The following DIP2B variants were observed in gnomAD, a reference collection of about 807,000 sequenced individuals.
The protein encoded by DIP2B is DIP2 acetate--CoA ligase B (putative), also known as disco-interacting protein 2 homolog B.
A neutral mutation model predicts 198.0 loss-of-function variants in DIP2B; 76 were observed. The ratio of observed to expected loss-of-function variants is 0.38; its 90% CI spans 0.32 to 0.46. DIP2B has a LOEUF of 0.46. DIP2B is among the 20% of genes least tolerant of loss of function. The probability of loss-of-function intolerance (pLI) is 0.99; values close to 1 mark genes in which losing one functional copy is unlikely to be tolerated. For missense variants in DIP2B, 1,559 were observed against 1,978.4 expected (o/e 0.79, Z 4.02); for synonymous variants, 701 against 739.1 (o/e 0.95, Z 0.84).
At position 50,671,368 on chromosome 12, in the gene DIP2B, C is replaced by T. The variant is rs1373525395; in HGVS notation, c.610C>T (p.Leu204=). 6.2e-7 allele frequency: 1 copy of T among 1,614,148 alleles called. No individual in the cohort carries two copies. Among genetic ancestry groups the T allele is most frequent in the South Asian group, 1.1e-5 (1 of 91,076 alleles). The change falls in exon 5 of 38, where the codon CTA becomes TTA. Residue 204 remains leucine (L), a synonymous_variant. Coordinates refer to ENST00000301180, the MANE Select transcript of DIP2B (RefSeq NM_173602.3). ...HGEVKGTSGS[L]ADVFANTRIE... ...AGAGGTCAAAGGAACCAGTGGGTCT[C>T]TAGCTGATGTATTTGCCAATACTCG...
At chr12:50,670,146 C>G (rs185113515) in intron 4 of DIP2B, among the ~76,000 whole-genome samples, 1 of 113,202 alleles carries the variant, frequency 8.8e-6, no homozygotes, top group Admixed American at 1.2e-4. Flanking sequence ...ACCCCCCACC[C>G]AGCACGCTTT....
chr12:50,694,654 C>CTTT lies in DIP2B; in HGVS notation c.1720-597_1720-595dup, dbSNP rs371524388. Among the ~76,000 whole-genome samples, 161 of 131,182 alleles carry CTTT rather than the reference C, an allele frequency of 1.2e-3. 9 individuals are homozygous for CTTT. Among genetic ancestry groups the CTTT allele is most frequent in the Middle Eastern group, 8.1e-3 (2 of 246 alleles). The allele number at this position is 131,182 out of a possible 152,430, so 86.1% of individuals were successfully genotyped here. ...GGGCAACATAGTGAAACCCCTGTCT[C>CTTT]TTTTTTTTTTTTTTTTTTAAAGCAT... On this transcript the variant is annotated intron_variant, in intron 14 of 37. Coordinates refer to ENST00000301180, the MANE Select transcript of DIP2B (RefSeq NM_173602.3).
At chr12:50,616,321 T>C (rs1253952268) in intron 1 of DIP2B, among the ~76,000 whole-genome samples, 2 of 152,214 alleles carry the variant, frequency 1.3e-5, no homozygotes, top group Non-Finnish European at 2.9e-5. Flanking sequence ...AAAAACCGTT[T>C]GTAAGATTAG....
chr12:50,506,544 T>C (rs915249547), intron 1 of DIP2B, among the ~76,000 whole-genome samples: 1 of 152,244 alleles, frequency 6.6e-6, no homozygotes, highest in Non-Finnish European at 1.5e-5. Context: ...TGTTTTTACC[T>C]GTACTTAACT....
chr12:50,685,728 T>C lies in DIP2B; in HGVS notation c.1318-105T>C, dbSNP rs1411528977. The C allele has an allele frequency of 6.8e-6, 9 of 1,314,834 alleles. No individual in the cohort carries two copies. In the African/African-American group the frequency reaches 1.3e-4, roughly 20 times the overall value. 81.4% of individuals were successfully genotyped at this position (1,314,834 alleles called of 1,614,324 possible). A position where few individuals can be genotyped will look rare whatever the true frequency, so the allele number is the denominator to read the frequency against. On this transcript the variant is annotated intron_variant, in intron 10 of 37. Coordinates refer to ENST00000301180, the MANE Select transcript of DIP2B (RefSeq NM_173602.3). ...ATTGCCAGATATTGGTGGGGCTCCATGAATGTTATCAAACAAAATGCCAGA... is the reference window on the plus strand; with the variant it reads ...ATTGCCAGATATTGGTGGGGCTCCACGAATGTTATCAAACAAAATGCCAGA...
intron 1 of DIP2B, among the ~76,000 whole-genome samples, chr12:50,585,803 A>G (rs1565834005): frequency 6.6e-6 from 1 of 152,252 alleles, no homozygotes; most frequent in Non-Finnish European, 1.5e-5. Context: ...GAAGACACAG[A>G]GAGACTCCCC....
intron 12 of DIP2B, chr12:50,686,902 A>AG (rs1224441972): frequency 7.5e-6 from 3 of 398,640 alleles, no homozygotes; most frequent in Non-Finnish European, 1.3e-5. Context: ...CAAAAAAAAA[A>AG]GGATTCTTCA....
At chr12:50,654,447 TG>T (rs1250904549) in intron 3 of DIP2B, among the ~76,000 whole-genome samples, 1 of 151,632 alleles carries the variant, frequency 6.6e-6, no homozygotes, top group Non-Finnish European at 1.5e-5. Context: ...CTCGACCTCC[TG>T]TGCTCAAGTG....
chr12:50,540,065 T>G (rs903812922), intron 1 of DIP2B, among the ~76,000 whole-genome samples: 8 of 84,184 alleles, frequency 9.5e-5, no homozygotes, highest in Admixed American at 1.4e-4. Flanking sequence ...TTTTTTTTTT[T>G]TTTTTTTTTT....
chr12:50,706,508 A>T, intron 20 of DIP2B, 30 bp from the exon 21 acceptor site: 1 of 1,608,106 alleles, frequency 6.2e-7, no homozygotes, highest in Non-Finnish European at 8.5e-7. Context: ...TAAATCATGG[A>T]AATCAAGGTA....
intron 3 of DIP2B, among the ~76,000 whole-genome samples, chr12:50,647,300 A>G (rs1938367913): frequency 6.6e-6 from 1 of 152,060 alleles, no homozygotes; most frequent in South Asian, 2.1e-4. Flanking sequence ...CAAGGTTCAG[A>G]GGTGACACAG....
intron 3 of DIP2B, among the ~76,000 whole-genome samples, chr12:50,647,863 CT>C (rs1182406444): frequency 6.6e-6 from 1 of 152,046 alleles, no homozygotes; most frequent in Non-Finnish European, 1.5e-5. Flanking sequence ...ACCTGTAATC[CT>C]AGCATTTTGG....
At chr12:50,560,528 A>T (rs1425396195) in intron 1 of DIP2B, among the ~76,000 whole-genome samples, 1 of 152,186 alleles carries the variant, frequency 6.6e-6, no homozygotes, top group Non-Finnish European at 1.5e-5. Flanking sequence ...AATTCACTCC[A>T]GCCTGGGCAA....
chr12:50,712,599 A>G lies in DIP2B; in HGVS notation c.2650-1796A>G, dbSNP rs182469869. Among the ~76,000 whole-genome samples, 5 of 149,802 alleles carry G rather than the reference A, an allele frequency of 3.3e-5. No homozygotes were observed. In the East Asian group the frequency reaches 1.0e-3, roughly 30 times the overall value. ...AGCCTGGGAGAAAAAGCGAGACTCC[A>G]TCTTAAAAAAACAAACAAACGAAAA... is the stretch of plus-strand genomic sequence containing the variant. On this transcript the variant is annotated intron_variant, in intron 22 of 37. Transcript: ENST00000301180.
intron 1 of DIP2B, among the ~76,000 whole-genome samples, chr12:50,549,041 T>TTA (rs1474687952): frequency 1.3e-5 from 2 of 152,176 alleles, no homozygotes; most frequent in Non-Finnish European, 2.9e-5. Flanking sequence ...GCCACCTATG[T>TTA]GACCTTTGAA....
chr12:50,608,625 C>CAA (rs546937627), intron 1 of DIP2B, among the ~76,000 whole-genome samples: 8 of 71,890 alleles, frequency 1.1e-4, no homozygotes, highest in African/African-American at 3.5e-4. Context: ...GACTCAGTCT[C>CAA]AAAAAAAAAA....
intron 16 of DIP2B, 122 bp downstream of exon 16, chr12:50,696,089 A>C: frequency 6.9e-7 from 1 of 1,442,540 alleles, no homozygotes; most frequent in Non-Finnish European, 9.4e-7. Flanking sequence ...TGTGTAATTC[A>C]GTGGTTTTGG....
At chr12:50,646,357 G>T (rs1178858690) in intron 3 of DIP2B, among the ~76,000 whole-genome samples, 1 of 151,602 alleles carries the variant, frequency 6.6e-6, no homozygotes, top group Non-Finnish European at 1.5e-5. Context: ...TCCTGACCTC[G>T]TGATCCGCCT....
intron 37 of DIP2B, among the ~76,000 whole-genome samples, chr12:50,742,006 TATCTC>T (rs1408839278): frequency 6.6e-6 from 1 of 152,196 alleles, no homozygotes; most frequent in African/African-American, 2.4e-5. Flanking sequence ...TAGTTGATAT[TATCTC>T]ATCCAGTTTC....
Sources: gnomAD v4.1 joint callset for allele counts (sites outside exome capture counted in the v4.1 genomes callset) on GRCh38, gnomAD v4.1.1 for gene constraint, MANE v1.5 for transcripts, NCBI Gene and HGNC (gene_info 2026-07-23, HGNC 2026-07-21) for gene names.